BUB1B: variants seen among roughly 807,000 people sequenced by gnomAD.
The protein encoded by BUB1B is mitotic checkpoint serine/threonine-protein kinase BUB1 beta.
A neutral mutation model predicts 137.7 loss-of-function variants in BUB1B; 86 were observed. The ratio of observed to expected loss-of-function variants is 0.62; its 90% confidence interval spans 0.52 to 0.75. BUB1B has a LOEUF of 0.75. Ranked by LOEUF, BUB1B falls within the 30% of genes least tolerant of loss-of-function variation. BUB1B has a pLI of 0.00. For missense variants in BUB1B, 1,130 were observed against 1,236.9 expected (o/e 0.91, Z 1.30); for synonymous variants, 420 against 417.9 (o/e 1.00, Z -0.06).
At chr15:40,204,835 C>T (rs2037617250) in intron 14 of BUB1B, among the ~76,000 whole-genome samples, 1 of 151,642 alleles carries the variant, frequency 6.6e-6, no homozygotes, top group African/African-American at 2.4e-5. Flanking sequence ...AGGGTTTTGC[C>T]ATGTTGCCCA....
At chr15:40,162,043 G>A (rs2037048416) in intron 1 of BUB1B, among the ~76,000 whole-genome samples, 1 of 152,172 alleles carries the variant, frequency 6.6e-6, no homozygotes, top group Non-Finnish European at 1.5e-5. Flanking sequence ...GTTAGGTGGA[G>A]ATGTGGTCAG....
At chr15:40,214,756 G>T (rs945860031) in intron 20 of BUB1B, among the ~76,000 whole-genome samples, 2 of 152,136 alleles carry the variant, frequency 1.3e-5, no homozygotes, top group African/African-American at 4.8e-5. Flanking sequence ...CTCATCCAGG[G>T]CACCATAGGT....
intron 12 of BUB1B, among the ~76,000 whole-genome samples, chr15:40,201,710 A>G (rs2037571553): frequency 6.6e-6 from 1 of 152,210 alleles, no homozygotes; most frequent in South Asian, 2.1e-4. Flanking sequence ...TCTGTCGCCC[A>G]GGCTGGAGTG....
At chr15:40,191,386 A>G (rs2037436109) in intron 8 of BUB1B, among the ~76,000 whole-genome samples, 1 of 152,174 alleles carries the variant, frequency 6.6e-6, no homozygotes, top group Non-Finnish European at 1.5e-5. Flanking sequence ...CGGATACATG[A>G]TTTGCAAATA....
intron 14 of BUB1B, among the ~76,000 whole-genome samples, chr15:40,204,742 T>G (rs1422623253): frequency 6.6e-6 from 1 of 151,708 alleles, no homozygotes; most frequent in East Asian, 1.9e-4. Context: ...ACTCAAGCAT[T>G]CCTCCCACCT....
At chr15:40,190,534 T>C (rs910885398) in intron 8 of BUB1B, among the ~76,000 whole-genome samples, 9 of 152,162 alleles carry the variant, frequency 5.9e-5, no homozygotes, top group Non-Finnish European at 8.8e-5. Flanking sequence ...GGATTGTTTG[T>C]GCCCAGGAGT....
At chr15:40,219,836 G>A (rs2140913800) in intron 22 of BUB1B, among the ~76,000 whole-genome samples, 2 of 151,912 alleles carry the variant, frequency 1.3e-5, no homozygotes, top group Middle Eastern at 6.8e-3. Context: ...AAGATTTAAT[G>A]CCCCTTCTCT....
Position 40,183,819 on chromosome 15 carries a change from A to G in BUB1B, c.687A>G (p.Glu229=). ...TACCACAACGAAGCACACTAGCTGA[A>G]CTAAAGAGCAAAGGGAAAAAGACAG... The part of the protein sequence containing the change: ...SSVPQRSTLA[E]LKSKGKKTAR... The change falls in exon 6 of 23, where the codon GAA becomes GAG. Residue 229 remains glutamate, a synonymous_variant. Transcript: ENST00000287598. 1 of 1,614,162 alleles carries G rather than the reference A, an allele frequency of 6.2e-7. No homozygotes were observed. Among genetic ancestry groups the G allele is most frequent in the South Asian group, 1.1e-5 (1 of 91,082 alleles).
intron 20 of BUB1B, among the ~76,000 whole-genome samples, chr15:40,216,723 CTG>C (rs993428030): frequency 3.3e-5 from 5 of 151,122 alleles, no homozygotes; most frequent in African/African-American, 1.2e-4. Context: ...TAGTTAAAGA[CTG>C]TATTTAGGAA....
intron 8 of BUB1B, among the ~76,000 whole-genome samples, chr15:40,188,924 TATA>T: frequency 6.6e-6 from 1 of 151,910 alleles, no homozygotes; most frequent in Non-Finnish European, 1.5e-5. Context: ...TTCATCGAAA[TATA>T]ATTCCGTGGC....
At chr15:40,220,486 G>A (rs973141215) in intron 22 of BUB1B, 78 bp from the exon 23 acceptor site, 9 of 1,466,744 alleles carry the variant, frequency 6.1e-6, no homozygotes, top group Non-Finnish European at 8.6e-6. Context: ...GTGCATAAAT[G>A]TACCACTGAG....
At position 40,217,546 on chromosome 15, in the gene BUB1B, T is replaced by A. The variant is rs747000103; in HGVS notation, c.2729T>A (p.Val910Glu). The A allele has an allele frequency of 3.1e-6, 5 of 1,614,164 alleles. No individual in the cohort carries two copies. The highest frequency in any genetic ancestry group is 4.2e-6 in the Non-Finnish European group (5 of 1,180,024). ...AAGAACAATCAAGCTTTGAAGATAG[T>A]GGACTTTTCCTACAGTGTTGACCTT... is the stretch of plus-strand genomic sequence containing the variant. ...CNKNNQALKI[V>E]DFSYSVDLRV... is the part of the protein sequence containing the mutation. The change falls in exon 21 of 23, where the codon GTG (valine) becomes GAG (glutamate). Residue 910 changes from valine (V) to glutamate (E), a missense_variant. Coordinates refer to ENST00000287598, the MANE Select transcript of BUB1B (RefSeq NM_001211.6).
chr15:40,166,303 A>G (rs185277332), intron 2 of BUB1B: 130 of 421,660 alleles, frequency 3.1e-4, no homozygotes, highest in African/African-American at 2.5e-3. Context: ...ACATTCTTGA[A>G]CAAGGCTTTT....
At chr15:40,200,487 C>G in intron 11 of BUB1B, 128 bp downstream of exon 11, 1 of 691,618 alleles carries the variant, frequency 1.4e-6, no homozygotes, top group Non-Finnish European at 2.5e-6. Flanking sequence ...AAGTCTCTGT[C>G]ACAACATAAG....
chr15:40,178,038 AT>A (rs781237183), intron 5 of BUB1B, among the ~76,000 whole-genome samples: 8,905 of 135,358 alleles, frequency 0.066, 729 homozygotes, highest in African/African-American at 0.21. Flanking sequence ...CATTTCATTG[AT>A]TTTTTTTTTT....
chr15:40,186,611 A>ATT (rs779133905), intron 8 of BUB1B, among the ~76,000 whole-genome samples: 4 of 138,820 alleles, frequency 2.9e-5, no homozygotes, highest in Non-Finnish European at 1.6e-5. Flanking sequence ...CGCCCAGCTA[A>ATT]TTTTTTTTTT....
At chr15:40,192,973 C>G (rs529633585) in intron 8 of BUB1B, among the ~76,000 whole-genome samples, 2 of 152,248 alleles carry the variant, frequency 1.3e-5, no homozygotes, top group Admixed American at 6.5e-5. Context: ...ACCTCATCCT[C>G]CCTAGTAGCT....
At chr15:40,163,600 A>G (rs2037062782) in intron 1 of BUB1B, among the ~76,000 whole-genome samples, 1 of 152,170 alleles carries the variant, frequency 6.6e-6, no homozygotes, top group South Asian at 2.1e-4. Context: ...CAACACTATG[A>G]CTGCAGTCAT....
chr15:40,206,117 C>G, intron 14 of BUB1B, 67 bp from the exon 15 acceptor site: 1 of 1,507,270 alleles, frequency 6.6e-7, no homozygotes, highest in Non-Finnish European at 9.2e-7. Flanking sequence ...TAATATGTCT[C>G]TCTCAGTAAA....
Sources: gnomAD v4.1 joint callset for allele counts (sites outside exome capture counted in the v4.1 genomes callset) on GRCh38, gnomAD v4.1.1 for gene constraint, MANE v1.5 for transcripts, NCBI Gene and HGNC (gene_info 2026-07-23, HGNC 2026-07-21) for gene names.